The following TRIO variants were observed in gnomAD, a reference collection of about 807,000 sequenced individuals.
TRIO encodes triple functional domain protein.
TRIO carries 58 observed loss-of-function variants against 351.9 expected under a neutral mutation model. The ratio of observed to expected loss-of-function variants is 0.16; its 90% CI spans 0.13 to 0.21. TRIO has a LOEUF of 0.21. Among genes scored for constraint, TRIO ranks in the 10% least tolerant of loss-of-function variants. The pLI, the probability that TRIO is intolerant of heterozygous loss-of-function variation, is 1.00. For synonymous variants in TRIO, 1,758 were observed against 1,595.7 expected, an observed-to-expected ratio of 1.10 and a Z score of -2.42; for missense variants, 3,201 against 4,027.8, an observed-to-expected ratio of 0.79 and a Z score of 5.56.
intron 9 of TRIO, among the ~76,000 whole-genome samples, chr5:14,321,130 T>C (rs531095700): frequency 1.3e-5 from 2 of 152,330 alleles, no homozygotes; most frequent in South Asian, 2.1e-4. Flanking sequence ...AGCTATCATA[T>C]TGAGGGCTAC....
intron 33 of TRIO, among the ~76,000 whole-genome samples, chr5:14,407,325 G>A (rs1447790797): frequency 6.6e-6 from 1 of 152,212 alleles, no homozygotes; most frequent in Non-Finnish European, 1.5e-5. Flanking sequence ...GTCCACATGA[G>A]GTGCGAGTGT....
At position 14,364,523 on chromosome 5, in the gene TRIO, T is replaced by C. The variant is rs529035453; in HGVS notation, c.2588-127T>C. Reference sequence around the variant, plus strand: ...ACTTTGCCCTCCTTGAACTTGCCCTTCAGCATAATGGCTTGGCCCCCAGCT... The same window carrying C: ...ACTTTGCCCTCCTTGAACTTGCCCTCCAGCATAATGGCTTGGCCCCCAGCT... On this transcript the variant is annotated intron_variant, in intron 14 of 56. Coordinates refer to ENST00000344204, the MANE Select transcript of TRIO (RefSeq NM_007118.4). The C allele has an allele frequency of 7.6e-6, 9 of 1,186,762 alleles. No homozygotes were observed. The African/African-American group carries it at 1.4e-4, about 18-fold the overall frequency. The allele number at this position is 1,186,762 out of a possible 1,614,324, so 73.5% of individuals were successfully genotyped here. A position where few individuals can be genotyped will look rare whatever the true frequency, so the allele number is the denominator to read the frequency against.
intron 1 of TRIO, among the ~76,000 whole-genome samples, chr5:14,159,283 G>A (rs902303983): frequency 6.7e-6 from 1 of 149,726 alleles, no homozygotes. Flanking sequence ...TGGAAATTTT[G>A]TGGAAAAACC....
chr5:14,319,179 T>G (rs1352728192), intron 9 of TRIO, among the ~76,000 whole-genome samples: 1 of 152,198 alleles, frequency 6.6e-6, no homozygotes, highest in Non-Finnish European at 1.5e-5. Context: ...GGAGAAAGTG[T>G]TTTTTGCAAT....
intron 1 of TRIO, among the ~76,000 whole-genome samples, chr5:14,227,424 T>G (rs1315249117): frequency 1.3e-5 from 2 of 152,242 alleles, no homozygotes; most frequent in Non-Finnish European, 2.9e-5. Flanking sequence ...AACTCTAGAC[T>G]TCTGATGGAC....
At chr5:14,358,486 A>T in intron 12 of TRIO, 139 bp downstream of exon 12, 8 of 905,438 alleles carry the variant, frequency 8.8e-6, no homozygotes, top group East Asian at 2.8e-5. Context: ...GTGAAGGCAA[A>T]GGAGAGAGAA....
intron 1 of TRIO, among the ~76,000 whole-genome samples, chr5:14,262,863 T>C (rs1156788833): frequency 6.6e-6 from 1 of 152,108 alleles, no homozygotes; most frequent in African/African-American, 2.4e-5. Context: ...GGCTATCCTA[T>C]AGGCATGTGG....
At chr5:14,456,225 G>T (rs775859890) in intron 34 of TRIO, among the ~76,000 whole-genome samples, 2 of 152,238 alleles carry the variant, frequency 1.3e-5, no homozygotes, top group African/African-American at 4.8e-5. Flanking sequence ...TGCGAGCACC[G>T]CACACAGCCC....
intron 33 of TRIO, among the ~76,000 whole-genome samples, chr5:14,416,434 A>G (rs553505810): frequency 2.6e-5 from 4 of 152,150 alleles, no homozygotes; most frequent in Admixed American, 6.5e-5. Context: ...ATCCTCCCCT[A>G]TGGGGCCTCT....
chr5:14,281,334 G>C (rs1443063348), intron 3 of TRIO, among the ~76,000 whole-genome samples: 1 of 151,930 alleles, frequency 6.6e-6, no homozygotes, highest in African/African-American at 2.4e-5. Flanking sequence ...GTGGAGGTAG[G>C]GGGTCAGGTG....
At chr5:14,386,537 A>T (rs970803083) in intron 21 of TRIO, among the ~76,000 whole-genome samples, 1 of 152,222 alleles carries the variant, frequency 6.6e-6, no homozygotes, top group African/African-American at 2.4e-5. Flanking sequence ...TTTTCTAGTT[A>T]AAGCTTAATG....
At position 14,498,606 on chromosome 5, in the gene TRIO, T is replaced by C; in HGVS notation, c.8298T>C (p.Gly2766=). The change falls in exon 53 of 57, where the codon GGT becomes GGC. Residue 2766 remains glycine, a synonymous_variant. Coordinates refer to ENST00000344204, the MANE Select transcript of TRIO (RefSeq NM_007118.4). ...CGTGCATCGCTGTCAATGACATGGG[T>C]TCAGCCTCATCGTCGGCCAGCCTGA... The part of the protein sequence containing the change: ...IYTCIAVNDM[G]SASSSASLRV... 6.2e-7 allele frequency: 1 copy of C among 1,613,978 alleles called. No individual in the cohort carries two copies.
chr5:14,400,878 A>G, intron 30 of TRIO, 85 bp from the exon 31 acceptor site: 2 of 1,303,384 alleles, frequency 1.5e-6, no homozygotes, highest in Non-Finnish European at 2.2e-6. Flanking sequence ...GGCCACAAGT[A>G]ACCAAAACCT....
Position 14,498,540 on chromosome 5 carries a change from G to A in TRIO, c.8232G>A (p.Leu2744=), listed in dbSNP as rs201813972. Reference sequence around the variant, plus strand: ...GCAGTGACCTGGGAGAGGCCACGCTGAAGATTGTGGGCGTGACCACGGAAG... The same window carrying A: ...GCAGTGACCTGGGAGAGGCCACGCTAAAGATTGTGGGCGTGACCACGGAAG... ...ISYSDLGEAT[L]KIVGVTTEDD... Residue 2744 remains leucine, a synonymous_variant, in exon 53 of 57, where the codon CTG becomes CTA. Coordinates refer to ENST00000344204, the MANE Select transcript of TRIO (RefSeq NM_007118.4). 6.2e-7 allele frequency: 1 copy of A among 1,614,186 alleles called. No individual in the cohort carries two copies. The highest frequency in any genetic ancestry group is 2.2e-5 in the East Asian group (1 of 44,880).
chr5:14,504,793 G>A, intron 55 of TRIO, 200 bp downstream of exon 55: 1 of 661,110 alleles, frequency 1.5e-6, no homozygotes, highest in Non-Finnish European at 2.5e-6. Flanking sequence ...CCACAGGGCG[G>A]TTGCCTGATG....
rs1489810435 is a variant in TRIO at position 14,143,353 on chromosome 5, G to A, written c.-373G>A. On this transcript the variant is annotated 5_prime_UTR_variant, in exon 1 of 57. Coordinates refer to ENST00000344204, the MANE Select transcript of TRIO (RefSeq NM_007118.4). The stretch of plus-strand genomic sequence containing the variant: ...CTCCTTCCTTCCCCATTGAAATCAA[G>A]ATGGAGGCTCGCGGCAGCCGCCGGC... Among the ~76,000 whole-genome samples, 2 of 151,036 alleles carry A rather than the reference G, an allele frequency of 1.3e-5. No individual in the cohort carries two copies. The highest frequency in any genetic ancestry group is 3.0e-5 in the Non-Finnish European group (2 of 67,732).
intron 9 of TRIO, among the ~76,000 whole-genome samples, chr5:14,324,736 T>A (rs1288331918): frequency 6.6e-6 from 1 of 152,214 alleles, no homozygotes. Flanking sequence ...TCTTTTTATT[T>A]GTAGCTTTTA....
At chr5:14,355,218 A>G (rs1260732869) in intron 11 of TRIO, among the ~76,000 whole-genome samples, 1 of 152,222 alleles carries the variant, frequency 6.6e-6, no homozygotes. Flanking sequence ...TTTTGATTAA[A>G]TATTTTGACT....
chr5:14,481,031 G>A (rs755104689), intron 43 of TRIO, among the ~76,000 whole-genome samples: 54 of 151,996 alleles, frequency 3.6e-4, no homozygotes, highest in Non-Finnish European at 6.2e-4. Flanking sequence ...AGTGTGAGTG[G>A]CCAAAAAGGT....
Sources: allele counts gnomAD v4.1 joint callset (sites outside exome capture counted in the v4.1 genomes callset), GRCh38; gene constraint gnomAD v4.1.1; transcripts MANE v1.5; gene names NCBI Gene and HGNC (gene_info 2026-07-23, HGNC 2026-07-21).